Variants in KIRREL1 observed in about 807,000 individuals in gnomAD.
The protein encoded by KIRREL1 is kirre like nephrin family adhesion molecule 1.
KIRREL1 carries 25 observed loss-of-function variants against 83.3 expected under a neutral mutation model. The observed-to-expected ratio is 0.30, with a 90% CI of 0.22 to 0.42. The LOEUF is 0.42. Among genes scored for constraint, KIRREL1 ranks in the 10% least tolerant of loss-of-function variants. The pLI, the probability that KIRREL1 is intolerant of heterozygous loss-of-function variation, is 1.00. For synonymous variants in KIRREL1, 388 were observed against 410.4 expected, an observed-to-expected ratio of 0.95 and a Z score of 0.66; for missense variants, 812 against 1,032.3, an observed-to-expected ratio of 0.79 and a Z score of 2.92.
chr1:158,076,044 G>T, intron 1 of KIRREL1, 69 bp from the exon 2 acceptor site: 2 of 1,441,860 alleles, frequency 1.4e-6, no homozygotes, highest in South Asian at 2.6e-5. Flanking sequence ...CAGCTGCATG[G>T]TGAGGGGGAC....
chr1:158,062,407 C>G (rs756613968), intron 1 of KIRREL1, among the ~76,000 whole-genome samples: 4 of 152,220 alleles, frequency 2.6e-5, no homozygotes, highest in Non-Finnish European at 5.9e-5. Context: ...ACATTCTGTG[C>G]CCCCTGTACG....
intron 1 of KIRREL1, among the ~76,000 whole-genome samples, chr1:158,042,166 G>T (rs1558000242): frequency 6.6e-6 from 1 of 152,022 alleles, no homozygotes; most frequent in Non-Finnish European, 1.5e-5. Flanking sequence ...CAGAATGGAG[G>T]TGGGCCCAGG....
chr1:158,048,970 C>CA, intron 1 of KIRREL1, among the ~76,000 whole-genome samples: 1 of 152,206 alleles, frequency 6.6e-6, no homozygotes, highest in East Asian at 1.9e-4. Context: ...AAACTGAGCT[C>CA]AGAGAGTCCA....
intron 10 of KIRREL1, among the ~76,000 whole-genome samples, chr1:158,090,766 G>A (rs1017991120): frequency 1.3e-5 from 2 of 152,170 alleles, no homozygotes; most frequent in East Asian, 1.9e-4. Flanking sequence ...TTAAAGGTAC[G>A]CCTAAAGATT....
At chr1:158,077,137 T>C (rs1287905742) in intron 2 of KIRREL1, among the ~76,000 whole-genome samples, 2 of 152,238 alleles carry the variant, frequency 1.3e-5, no homozygotes, top group Non-Finnish European at 2.9e-5. Flanking sequence ...GGGGATGGGC[T>C]GTATATTTTT....
At chr1:158,029,337 C>CTGTGTGTGCGTG (rs1553238077) in intron 1 of KIRREL1, among the ~76,000 whole-genome samples, 1 of 69,262 alleles carries the variant, frequency 1.4e-5, no homozygotes, top group East Asian at 3.7e-4. Context: ...TAACAAAAAC[C>CTGTGTGTGCGTG]TGTGTGTGTG....
intron 1 of KIRREL1, among the ~76,000 whole-genome samples, chr1:158,075,670 G>A (rs1441754338): frequency 6.6e-6 from 1 of 152,208 alleles, no homozygotes. Flanking sequence ...AGTCATTAAT[G>A]TGGGGGTGGG....
chr1:158,060,665 T>C (rs867353912), intron 1 of KIRREL1, among the ~76,000 whole-genome samples: 5 of 152,134 alleles, frequency 3.3e-5, no homozygotes, highest in Non-Finnish European at 4.4e-5. Context: ...TCATCAGTCA[T>C]ATGGGGCAGA....
intron 1 of KIRREL1, among the ~76,000 whole-genome samples, chr1:158,045,448 C>T (rs1660753731): frequency 6.6e-6 from 1 of 152,210 alleles, no homozygotes; most frequent in Non-Finnish European, 1.5e-5. Flanking sequence ...AATAATTTGA[C>T]AGAATGACTC....
intron 1 of KIRREL1, among the ~76,000 whole-genome samples, chr1:158,002,429 G>A (rs959885743): frequency 4.6e-5 from 7 of 152,220 alleles, no homozygotes; most frequent in African/African-American, 1.4e-4. Context: ...TTTAGGAGCT[G>A]AGCCTAAAGA....
At chr1:158,087,588 C>T (rs1362358619) in intron 5 of KIRREL1, among the ~76,000 whole-genome samples, 167 bp from the exon 6 acceptor site, 1 of 152,024 alleles carries the variant, frequency 6.6e-6, no homozygotes, top group Non-Finnish European at 1.5e-5. Flanking sequence ...CTAGAGGCTC[C>T]ATGTGCAAAA....
intron 1 of KIRREL1, among the ~76,000 whole-genome samples, chr1:158,073,215 C>T (rs1230763134): frequency 6.6e-6 from 1 of 152,170 alleles, no homozygotes; most frequent in African/African-American, 2.4e-5. Flanking sequence ...GTCTTTACTT[C>T]CCCTCCTTTC....
chr1:158,014,066 GA>G (rs1214763056), intron 1 of KIRREL1, among the ~76,000 whole-genome samples: 1 of 152,126 alleles, frequency 6.6e-6, no homozygotes, highest in Non-Finnish European at 1.5e-5. Context: ...AAAGATATGG[GA>G]GAGGGCTTAG....
intron 1 of KIRREL1, among the ~76,000 whole-genome samples, chr1:158,062,689 G>A (rs1661246410): frequency 6.6e-6 from 1 of 152,226 alleles, no homozygotes; most frequent in African/African-American, 2.4e-5. Context: ...ATGCAAACAA[G>A]GACACATGTG....
At position 158,096,944 on chromosome 1, in the gene KIRREL1, C is replaced by T. The variant is rs534934752; in HGVS notation, c.*1824C>T. ...CATGCTTATCAGCCACAGGCCATTA[C>T]CACCCTTATGGATGGGTCTGGGGGG... On this transcript the variant is annotated 3_prime_UTR_variant, in exon 15 of 15. Transcript: ENST00000359209. 2.4e-5 allele frequency: 11 copies of T among 456,796 alleles called. No homozygotes were observed. Among genetic ancestry groups the T allele is most frequent in the South Asian group, 1.5e-4 (10 of 64,570 alleles). The allele number at this position is 456,796 out of a possible 1,614,324, so 28.3% of individuals were successfully genotyped here. A position where few individuals can be genotyped will look rare whatever the true frequency, so the allele number is the denominator to read the frequency against.
At chr1:158,055,341 C>T (rs1174265990) in intron 1 of KIRREL1, among the ~76,000 whole-genome samples, 2 of 152,160 alleles carry the variant, frequency 1.3e-5, no homozygotes, top group Non-Finnish European at 2.9e-5. Context: ...TGGCCCCCTC[C>T]ACTCCCTTCT....
chr1:158,074,924 G>A (rs556885648), intron 1 of KIRREL1, among the ~76,000 whole-genome samples: 1 of 152,302 alleles, frequency 6.6e-6, no homozygotes, highest in Admixed American at 6.5e-5. Context: ...CATGAGCTGT[G>A]GAGGGAAAGA....
At position 158,099,142 on chromosome 1, in the gene KIRREL1, T is replaced by A. The variant is rs1662428032; in HGVS notation, c.*4022T>A. ...TCCTGGCTTCCCCAAGTTAGTGCTG[T>A]CTGACCTGAGCCAGGCCACTGCTTG... On this transcript the variant is annotated 3_prime_UTR_variant, in exon 15 of 15. Coordinates refer to ENST00000359209, the MANE Select transcript of KIRREL1 (RefSeq NM_018240.7). 1 of 152,262 alleles carries A rather than the reference T, an allele frequency of 6.6e-6. No individual in the cohort carries two copies. Among genetic ancestry groups the A allele is most frequent in the African/African-American group, 2.4e-5 (1 of 41,458 alleles). The allele number at this position is 152,262 out of a possible 1,614,324, so 9.4% of individuals were successfully genotyped here. A position where few individuals can be genotyped will look rare whatever the true frequency, so the allele number is the denominator to read the frequency against.
At chr1:158,063,449 A>C (rs908052770) in intron 1 of KIRREL1, among the ~76,000 whole-genome samples, 1 of 152,114 alleles carries the variant, frequency 6.6e-6, no homozygotes, top group Admixed American at 6.5e-5. Flanking sequence ...GCCCCCCATC[A>C]AGTCGGCCCT....
Sources: gnomAD v4.1 joint callset for allele counts (sites outside exome capture counted in the v4.1 genomes callset) on GRCh38, gnomAD v4.1.1 for gene constraint, MANE v1.5 for transcripts, NCBI Gene and HGNC (gene_info 2026-07-23, HGNC 2026-07-21) for gene names.